Variants in CNTN3 observed in about 807,000 individuals in gnomAD.
CNTN3 encodes contactin 3.
In CNTN3, 60 loss-of-function variants were observed where a neutral mutation model predicts 119.1. The ratio of observed to expected loss-of-function variants is 0.50; its 90% CI spans 0.41 to 0.62. The LOEUF (loss-of-function observed/expected upper bound fraction) is 0.62. Ranked by LOEUF, CNTN3 falls within the 20% of genes least tolerant of loss-of-function variation. The probability of loss-of-function intolerance (pLI) is 0.00; values close to 1 mark genes in which losing one functional copy is unlikely to be tolerated. For synonymous variants in CNTN3, 450 were observed against 438.7 expected, an observed-to-expected ratio of 1.03 and a Z score of -0.32; for missense variants, 1,101 against 1,242.4, an observed-to-expected ratio of 0.89 and a Z score of 1.71.
At chr3:74,608,667 T>C (rs1705031632) in intron 1 of CNTN3, among the ~76,000 whole-genome samples, 1 of 152,140 alleles carries the variant, frequency 6.6e-6, no homozygotes, top group African/African-American at 2.4e-5. Flanking sequence ...TACACTAAAA[T>C]AAATTTTAGC....
intron 4 of CNTN3, among the ~76,000 whole-genome samples, chr3:74,441,540 CCCACCCT>C (rs1447160314): frequency 6.6e-6 from 1 of 152,066 alleles, no homozygotes; most frequent in Admixed American, 6.6e-5. Context: ...TTAGTAGAAC[CCCACCCT>C]TTGGTACTTA....
chr3:74,465,064 G>A (rs2106984592), intron 4 of CNTN3, among the ~76,000 whole-genome samples: 1 of 152,220 alleles, frequency 6.6e-6, no homozygotes, highest in East Asian at 1.9e-4. Context: ...TATGTACCTT[G>A]CTTTAATATT....
At chr3:74,355,931 TG>T (rs1387072424) in intron 11 of CNTN3, among the ~76,000 whole-genome samples, 8 of 152,010 alleles carry the variant, frequency 5.3e-5, no homozygotes, top group Non-Finnish European at 1.5e-5. Flanking sequence ...CTCCCCTCCA[TG>T]GCACCTTAAA....
chr3:74,552,399 C>T (rs373433346), intron 1 of CNTN3, among the ~76,000 whole-genome samples: 1 of 152,080 alleles, frequency 6.6e-6, no homozygotes, highest in Non-Finnish European at 1.5e-5. Context: ...ATGGCTGTAC[C>T]GTTTTACATT....
intron 13 of CNTN3, among the ~76,000 whole-genome samples, chr3:74,303,554 G>A (rs907580098): frequency 6.6e-6 from 1 of 152,028 alleles, no homozygotes; most frequent in Non-Finnish European, 1.5e-5. Flanking sequence ...TTAGCTGGGT[G>A]TGGTGGCGTG....
At chr3:74,600,737 T>C (rs1704896212) in intron 1 of CNTN3, among the ~76,000 whole-genome samples, 1 of 152,004 alleles carries the variant, frequency 6.6e-6, no homozygotes, top group African/African-American at 2.4e-5. Flanking sequence ...GCAACTAAAA[T>C]TCACCAAGTA....
intron 13 of CNTN3, among the ~76,000 whole-genome samples, chr3:74,325,104 T>C (rs1285789662): frequency 6.7e-6 from 1 of 149,894 alleles, no homozygotes; most frequent in Non-Finnish European, 1.5e-5. Context: ...GTAAATTTCA[T>C]TACTTTGTCT....
At chr3:74,596,527 A>G (rs564604875) in intron 1 of CNTN3, among the ~76,000 whole-genome samples, 311 of 152,252 alleles carry the variant, frequency 2.0e-3, no homozygotes, top group Non-Finnish European at 3.3e-3. Flanking sequence ...CTCAGAAATA[A>G]TGCCACATAT....
At chr3:74,337,413 ACT>A (rs1703424229) in intron 11 of CNTN3, among the ~76,000 whole-genome samples, 1 of 152,074 alleles carries the variant, frequency 6.6e-6, no homozygotes, top group African/African-American at 2.4e-5. Flanking sequence ...ACAACGTAGT[ACT>A]CTGTTTTCAT....
At position 74,541,792 on chromosome 3, in the gene CNTN3, AG is replaced by A. The variant is rs140324901; in HGVS notation, c.-80-20601del. Among the ~76,000 whole-genome samples, 264 of 152,356 alleles carry A rather than the reference AG, an allele frequency of 1.7e-3. 4 individuals carry two copies. The East Asian group carries it at 0.046, about 26-fold the overall frequency. The stretch of plus-strand genomic sequence containing the variant: ...GTATGAAAAAATGTTTCACTATAAA[AG>A]AAAATAGCATTTTTTTTCTGAACTC... On this transcript the variant is annotated intron_variant, in intron 1 of 22. Coordinates refer to ENST00000263665, the MANE Select transcript of CNTN3 (RefSeq NM_020872.3).
intron 1 of CNTN3, among the ~76,000 whole-genome samples, chr3:74,581,820 T>A (rs1704514237): frequency 6.6e-6 from 1 of 152,220 alleles, no homozygotes; most frequent in African/African-American, 2.4e-5. Context: ...AGGTCTTTTC[T>A]TTTTAACCAA....
At chr3:74,598,468 A>C (rs186994331) in intron 1 of CNTN3, among the ~76,000 whole-genome samples, 1 of 152,188 alleles carries the variant, frequency 6.6e-6, no homozygotes, top group Admixed American at 6.6e-5. Flanking sequence ...TAATAAAGTA[A>C]ATTTTTAAAA....
At chr3:74,364,057 T>C (rs1258997732) in intron 10 of CNTN3, among the ~76,000 whole-genome samples, 1 of 152,144 alleles carries the variant, frequency 6.6e-6, no homozygotes, top group Admixed American at 6.6e-5. Flanking sequence ...GTCAAGCTTC[T>C]AACAGAGCCA....
At chr3:74,480,690 G>T (rs1381360315) in intron 4 of CNTN3, among the ~76,000 whole-genome samples, 3 of 74,490 alleles carry the variant, frequency 4.0e-5, no homozygotes, top group African/African-American at 1.2e-4. Context: ...CACTATTTCT[G>T]ATCTAGAAGA....
chr3:74,391,549 C>T (rs1704900828), intron 5 of CNTN3, among the ~76,000 whole-genome samples: 1 of 139,226 alleles, frequency 7.2e-6, no homozygotes, highest in Non-Finnish European at 1.5e-5. Context: ...TTTGTACTCC[C>T]ATAGTTTCTT....
chr3:74,350,774 C>T (rs1168205925), intron 11 of CNTN3, among the ~76,000 whole-genome samples: 1 of 151,822 alleles, frequency 6.6e-6, no homozygotes, highest in Non-Finnish European at 1.5e-5. Context: ...TTGGCAGCCA[C>T]AAGGATGCAG....
In CNTN3 at chr3:74,364,328, A is replaced by C. The variant is rs113117310; in HGVS notation, c.1213+139T>G. 109 of 780,126 alleles carry C rather than the reference A, an allele frequency of 1.4e-4. No individual in the cohort carries two copies. The African/African-American group carries it at 1.6e-3, about 11-fold the overall frequency. The allele number at this position is 780,126 out of a possible 1,614,324, so 48.3% of individuals were successfully genotyped here. On this transcript the variant is annotated intron_variant, in intron 10 of 22. Transcript: ENST00000263665. ...TGTTAAAAGGTATGCCTTGATTAGAAACTGAATGATCGTGTTGTAATACTG... is the reference window on the plus strand; with the variant it reads ...TGTTAAAAGGTATGCCTTGATTAGACACTGAATGATCGTGTTGTAATACTG...
intron 4 of CNTN3, among the ~76,000 whole-genome samples, chr3:74,440,884 T>C (rs558997746): frequency 1.4e-4 from 22 of 152,292 alleles, no homozygotes; most frequent in Middle Eastern, 3.4e-3. Flanking sequence ...CTTTAAAGTA[T>C]ACAGGATGAT....
intron 13 of CNTN3, among the ~76,000 whole-genome samples, chr3:74,328,895 C>A (rs1274674073): frequency 6.6e-6 from 1 of 152,106 alleles, no homozygotes; most frequent in African/African-American, 2.4e-5. Flanking sequence ...TGGGTACATT[C>A]TCTTAATAGT....
Sources: gnomAD v4.1 joint callset for allele counts (sites outside exome capture counted in the v4.1 genomes callset) on GRCh38, gnomAD v4.1.1 for gene constraint, MANE v1.5 for transcripts, NCBI Gene and HGNC (gene_info 2026-07-23, HGNC 2026-07-21) for gene names.